TNFRSF8: variants seen among roughly 807,000 people sequenced by gnomAD.
TNFRSF8 encodes tumor necrosis factor receptor superfamily member 8.
In TNFRSF8, 26 loss-of-function variants were observed where a neutral mutation model predicts 70.8. That is an observed-to-expected ratio of 0.37 (90% CI 0.27 to 0.51). The LOEUF is 0.51. Among genes scored for constraint, TNFRSF8 ranks in the 20% least tolerant of loss-of-function variants. The pLI is 0.94. For synonymous variants in TNFRSF8, 356 were observed against 339.2 expected (o/e 1.05, Z -0.54); for missense variants, 720 against 807.9 (o/e 0.89, Z 1.32).
chr1:12,094,442 C>T (rs962440840), intron 2 of TNFRSF8, among the ~76,000 whole-genome samples: 1 of 151,980 alleles, frequency 6.6e-6, no homozygotes, highest in Non-Finnish European at 1.5e-5. Context: ...GATCAGAGGG[C>T]AAGGGGGACA....
chr1:12,093,567 G>T (rs913871113), intron 2 of TNFRSF8, among the ~76,000 whole-genome samples: 2 of 152,100 alleles, frequency 1.3e-5, no homozygotes, highest in African/African-American at 4.8e-5. Context: ...TTGAGACAGG[G>T]TCTTGCTTCG....
chr1:12,071,157 G>A (rs1640837145), intron 1 of TNFRSF8, among the ~76,000 whole-genome samples: 2 of 152,126 alleles, frequency 1.3e-5, no homozygotes, highest in Non-Finnish European at 2.9e-5. Flanking sequence ...TATAGCCCTG[G>A]TGGTCAAAAG....
chr1:12,084,655 G>A (rs143891999), intron 2 of TNFRSF8, 104 bp downstream of exon 2: 19 of 1,076,658 alleles, frequency 1.8e-5, no homozygotes, highest in African/African-American at 1.4e-4. Context: ...AACCGTCATC[G>A]TCATAATTGG....
rs769988590 is a variant in TNFRSF8 at position 12,135,605 on chromosome 1, A to G, written c.1327A>G (p.Ser443Gly). The G allele has an allele frequency of 6.2e-7, 1 of 1,614,044 alleles. No homozygotes were observed. The highest frequency in any genetic ancestry group is 1.1e-5 in the South Asian group (1 of 91,064). The change falls in exon 13 of 15, where the codon AGC (serine) becomes GGC (glycine). Residue 443 changes from serine to glycine, a missense_variant. Ser to Gly is a moderately conservative substitution (Grantham distance 56). Coordinates refer to ENST00000263932, the MANE Select transcript of TNFRSF8 (RefSeq NM_001243.5). ...TTTTGCAGATTCCAGACCCAGGAGG[A>G]GCTCAACGGTAAGTACCCCTCCCTT... is the stretch of plus-strand genomic sequence containing the variant. ...LELVDSRPRR[S>G]STQLRSGASV...
rs747311684 is a variant in TNFRSF8 at position 12,112,791 on chromosome 1, G to A, written c.793+777G>A. On this transcript the variant is annotated intron_variant, in intron 7 of 14. Transcript: ENST00000263932. The surrounding 1 kb of genome is among the most constrained non-coding windows in gnomAD (Gnocchi z 5.3). ...GCCCAGCCCATCACAACCTCCCAGC[G>A]CCAGCAGCACCCCGAGGGGCATGTG... is the stretch of plus-strand genomic sequence containing the variant. 6.6e-6 allele frequency among the ~76,000 whole-genome samples: 1 copy of A among 152,136 alleles called. No individual in the cohort carries two copies. Among genetic ancestry groups the A allele is most frequent in the Non-Finnish European group, 1.5e-5 (1 of 68,024 alleles).
intron 8 of TNFRSF8, among the ~76,000 whole-genome samples, chr1:12,117,093 T>G (rs1393539975): frequency 6.6e-6 from 1 of 152,074 alleles, no homozygotes; most frequent in Non-Finnish European, 1.5e-5. Context: ...TTTTTTCCTC[T>G]TTTTTTAGAG....
Position 12,063,578 on chromosome 1 carries a change from A to G in TNFRSF8, c.-21A>G. The G allele has an allele frequency of 7.6e-7, 1 of 1,310,948 alleles. No homozygotes were observed. The highest frequency in any genetic ancestry group is 9.8e-7 in the Non-Finnish European group (1 of 1,022,300). 81.2% of individuals were successfully genotyped at this position (1,310,948 alleles called of 1,614,324 possible). On this transcript the variant is annotated 5_prime_UTR_variant, in exon 1 of 15. Coordinates refer to ENST00000263932, the MANE Select transcript of TNFRSF8 (RefSeq NM_001243.5). The surrounding 1 kb of genome is among the most constrained non-coding windows in gnomAD (Gnocchi z 7.2). The stretch of plus-strand genomic sequence containing the variant: ...CCAGGTGGGCGCCGGCCGCCAGGCC[A>G]CCTCACGTCCGGCCCCGGGGATGCG...
chr1:12,117,553 A>G (rs1641755673), intron 8 of TNFRSF8, among the ~76,000 whole-genome samples: 1 of 152,090 alleles, frequency 6.6e-6, no homozygotes, highest in Non-Finnish European at 1.5e-5. Context: ...CTGCCAGCTC[A>G]CACTCTCCGC....
At chr1:12,103,803 C>T (rs752529631) in intron 3 of TNFRSF8, among the ~76,000 whole-genome samples, 7 of 152,286 alleles carry the variant, frequency 4.6e-5, no homozygotes, top group South Asian at 4.1e-4. Flanking sequence ...TCCCCTGTCA[C>T]GAACACCTTG....
At chr1:12,092,509 C>CTT (rs60030428) in intron 2 of TNFRSF8, among the ~76,000 whole-genome samples, 19 of 130,074 alleles carry the variant, frequency 1.5e-4, no homozygotes, top group South Asian at 2.4e-4. Flanking sequence ...TTTTTCTTGT[C>CTT]TTTTTTTTTT....
intron 4 of TNFRSF8, among the ~76,000 whole-genome samples, chr1:12,106,289 G>C (rs766590824): frequency 6.6e-6 from 1 of 151,810 alleles, no homozygotes; most frequent in Non-Finnish European, 1.5e-5. Flanking sequence ...CCCTCTGCAC[G>C]TGCTGTTCTC....
chr1:12,079,121 T>A (rs1641018485), intron 1 of TNFRSF8, among the ~76,000 whole-genome samples: 1 of 152,136 alleles, frequency 6.6e-6, no homozygotes, highest in African/African-American at 2.4e-5. Context: ...CCCCACAACT[T>A]CTAGACTCGT....
chr1:12,104,867 G>A (rs1312372598), intron 4 of TNFRSF8, among the ~76,000 whole-genome samples: 2 of 152,196 alleles, frequency 1.3e-5, no homozygotes, highest in Non-Finnish European at 2.9e-5. Context: ...GAGTTTCCTA[G>A]AAGATTGGGG....
rs544359847 is a variant in TNFRSF8, at chr1:12,125,634, G to A, written c.1154-317G>A. 6.8e-4 allele frequency among the ~76,000 whole-genome samples: 103 copies of A among 152,286 alleles called. 1 individual carries two copies. Among genetic ancestry groups the A allele is most frequent in the African/African-American group, 2.2e-3 (91 of 41,544 alleles). ...CACACCAGCAGTGCTGCCAGATGCCGGTCACACCGGGCCCTCGTCCACAGT... is the reference window on the plus strand; with the variant it reads ...CACACCAGCAGTGCTGCCAGATGCCAGTCACACCGGGCCCTCGTCCACAGT... On this transcript the variant is annotated intron_variant, in intron 10 of 14. Transcript: ENST00000263932.
chr1:12,131,409 C>T (rs1642044834), intron 12 of TNFRSF8, among the ~76,000 whole-genome samples: 1 of 152,180 alleles, frequency 6.6e-6, no homozygotes, highest in Non-Finnish European at 1.5e-5. Flanking sequence ...GAGATTGCAC[C>T]ACTGCACTCC....
At chr1:12,118,284 T>G (rs761242757) in intron 8 of TNFRSF8, among the ~76,000 whole-genome samples, 5 of 151,958 alleles carry the variant, frequency 3.3e-5, no homozygotes, top group Non-Finnish European at 5.9e-5. Context: ...CTAATTTTTG[T>G]ATTTTTAGTA....
rs2100973451 is a variant in TNFRSF8 at position 12,088,163 on chromosome 1, C to T, written c.151+3612C>T. Among the ~76,000 whole-genome samples the T allele has an allele frequency of 6.6e-6, 1 of 152,204 alleles. No homozygotes were observed. ...ATGTCATCGAATCCCTCCTTGCACC[C>T]AGGCCTGTGATGCCCTCTCCAGCAT... On this transcript the variant is annotated intron_variant, in intron 2 of 14. Coordinates refer to ENST00000263932, the MANE Select transcript of TNFRSF8 (RefSeq NM_001243.5). The surrounding 1 kb of genome is among the most constrained non-coding windows in gnomAD (Gnocchi z 4.0).
Position 12,124,958 on chromosome 1 carries a change from A to T in TNFRSF8, c.1154-993A>T, listed in dbSNP as rs181593320. Among the ~76,000 whole-genome samples the T allele has an allele frequency of 7.1e-4, 108 of 152,316 alleles. 1 individual carries two copies. The East Asian group carries it at 0.016, about 22-fold the overall frequency. ...AGGACTTGCAGTTCTAGTGGCTGACACGAGGTGGCAGTAGTGCTCCGGCCA... is the reference window on the plus strand; with the variant it reads ...AGGACTTGCAGTTCTAGTGGCTGACTCGAGGTGGCAGTAGTGCTCCGGCCA... On this transcript the variant is annotated intron_variant, in intron 10 of 14. Coordinates refer to ENST00000263932, the MANE Select transcript of TNFRSF8 (RefSeq NM_001243.5).
intron 1 of TNFRSF8, among the ~76,000 whole-genome samples, chr1:12,068,465 C>G (rs1403022724): frequency 6.6e-6 from 1 of 152,148 alleles, no homozygotes; most frequent in South Asian, 2.1e-4. Context: ...AAAGGCAGCT[C>G]TCGGCCATAC....
Sources: allele counts gnomAD v4.1 joint callset (sites outside exome capture counted in the v4.1 genomes callset), GRCh38; gene constraint gnomAD v4.1.1; non-coding constraint Gnocchi (gnomAD v3.1); transcripts MANE v1.5; gene names NCBI Gene and HGNC (gene_info 2026-07-23, HGNC 2026-07-21).